The following FBXO34 variants were observed in gnomAD, a reference collection of about 807,000 sequenced individuals.
FBXO34 encodes F-box only protein 34.
A neutral mutation model predicts 24.5 loss-of-function variants in FBXO34; 12 were observed. That is an observed-to-expected ratio of 0.49 (90% CI 0.31 to 0.79). The LOEUF (loss-of-function observed/expected upper bound fraction) is 0.79. Among genes scored for constraint, FBXO34 ranks in the 30% least tolerant of loss-of-function variants. The pLI is 0.04. For synonymous variants in FBXO34, 320 were observed against 311.9 expected (o/e 1.03, Z -0.27); for missense variants, 823 against 857.7 (o/e 0.96, Z 0.51).
chr14:55,329,897 T>C (rs1307698905), intron 1 of FBXO34, among the ~76,000 whole-genome samples: 4 of 151,992 alleles, frequency 2.6e-5, no homozygotes, highest in African/African-American at 2.4e-5. Flanking sequence ...AGATAAAATA[T>C]ATATATATAT....
At chr14:55,391,368 C>T in the FBXO34 span, 7 of 157,918 alleles carry the variant, frequency 4.4e-5, no homozygotes, top group Middle Eastern at 3.1e-3. Context: ...CCCAGCTACT[C>T]GGGAGGCTGC....
intron 1 of FBXO34, among the ~76,000 whole-genome samples, chr14:55,346,192 C>T (rs1450835112): frequency 6.6e-6 from 1 of 152,134 alleles, no homozygotes; most frequent in Non-Finnish European, 1.5e-5. Context: ...AACAAGCTTT[C>T]AAAGTGTGAA....
chr14:55,371,814 C>CA (rs999427813), downstream of FBXO34, among the ~76,000 whole-genome samples: 7 of 150,452 alleles, frequency 4.7e-5, no homozygotes, highest in African/African-American at 1.2e-4. Flanking sequence ...AAAAAACAAA[C>CA]AAAAAAACAA....
intron 1 of FBXO34, among the ~76,000 whole-genome samples, chr14:55,309,181 TTA>T (rs1882651352): frequency 1.3e-5 from 2 of 152,168 alleles, no homozygotes; most frequent in Admixed American, 6.5e-5. Flanking sequence ...TTATGGGAGT[TTA>T]TAGTCTTTAC....
At chr14:55,409,020 C>T in the FBXO34 span, among the ~76,000 whole-genome samples, 1 of 152,126 alleles carries the variant, frequency 6.6e-6, no homozygotes, top group African/African-American at 2.4e-5. Flanking sequence ...TCTATTGTGG[C>T]TGCTGTTTGG....
At chr14:55,439,151 C>T in the FBXO34 span, among the ~76,000 whole-genome samples, 1 of 152,000 alleles carries the variant, frequency 6.6e-6, no homozygotes, top group Non-Finnish European at 1.5e-5. Context: ...GTTGGCCAGG[C>T]TGGTCTTGAA....
chr14:55,315,778 A>T (rs952172393), intron 1 of FBXO34, among the ~76,000 whole-genome samples: 1 of 152,160 alleles, frequency 6.6e-6, no homozygotes, highest in Non-Finnish European at 1.5e-5. Context: ...GTCCCTCAGC[A>T]TTAGACATTT....
At chr14:55,419,275 G>A in the FBXO34 span, among the ~76,000 whole-genome samples, 2 of 152,166 alleles carry the variant, frequency 1.3e-5, no homozygotes, top group African/African-American at 2.4e-5. Flanking sequence ...TTACAGGTGA[G>A]GAAACTTAGG....
intron 1 of FBXO34, among the ~76,000 whole-genome samples, chr14:55,283,901 T>TA (rs1881649205): frequency 6.6e-6 from 1 of 152,158 alleles, no homozygotes; most frequent in South Asian, 2.1e-4. Flanking sequence ...TAGGAGGTTA[T>TA]AACTTTTCCT....
the FBXO34 span, among the ~76,000 whole-genome samples, chr14:55,391,567 A>G: frequency 6.6e-6 from 1 of 152,274 alleles, no homozygotes; most frequent in African/African-American, 2.4e-5. Context: ...GTTGAAGGAC[A>G]TTCTCTAAAC....
downstream of FBXO34, among the ~76,000 whole-genome samples, chr14:55,364,630 T>C (rs920317000): frequency 8.6e-5 from 13 of 151,918 alleles, no homozygotes; most frequent in Non-Finnish European, 1.8e-4. Context: ...GGTTTTGCCA[T>C]GTTGGCCAGG....
At chr14:55,335,781 A>G (rs1177469073) in intron 1 of FBXO34, among the ~76,000 whole-genome samples, 2 of 152,232 alleles carry the variant, frequency 1.3e-5, no homozygotes, top group Admixed American at 6.5e-5. Flanking sequence ...TATTATATCT[A>G]GCTCATAGAA....
At chr14:55,336,518 AG>A (rs1445347302) in intron 1 of FBXO34, among the ~76,000 whole-genome samples, 3 of 152,208 alleles carry the variant, frequency 2.0e-5, no homozygotes, top group African/African-American at 7.2e-5. Context: ...TCATTCATCC[AG>A]TGTTTTCCAC....
intron 1 of FBXO34, among the ~76,000 whole-genome samples, chr14:55,316,010 T>C (rs993317988): frequency 1.3e-5 from 2 of 152,176 alleles, no homozygotes; most frequent in African/African-American, 4.8e-5. Context: ...TTTCTCCTTT[T>C]CTATTGCGTT....
At chr14:55,435,713 C>A in the FBXO34 span, 1 of 604,636 alleles carries the variant, frequency 1.7e-6, no homozygotes, top group Non-Finnish European at 2.8e-6. Context: ...AGATATTAAC[C>A]CTGAGTTGCC....
At position 55,350,950 on chromosome 14, in the gene FBXO34, G is replaced by C. The variant is rs371770836; in HGVS notation, c.560G>C (p.Cys187Ser). ...PEPFACGIEH[C>S]SVHYVSDSGD... ...CCTTTTGCATGTGGCATTGAGCACTGTTCTGTGCACTATGTGAGTGACAGT... is the reference window on the plus strand; with the variant it reads ...CCTTTTGCATGTGGCATTGAGCACTCTTCTGTGCACTATGTGAGTGACAGT... Residue 187 changes from cysteine to serine, a missense_variant, in exon 2 of 2, where the codon TGT becomes TCT. By Grantham distance (112) the Cys-to-Ser change is moderately radical. Coordinates refer to ENST00000313833, the MANE Select transcript of FBXO34 (RefSeq NM_017943.4). The C allele has an allele frequency of 1.2e-6, 2 of 1,614,094 alleles. No homozygotes were observed. Among genetic ancestry groups the C allele is most frequent in the Admixed American group, 1.7e-5 (1 of 60,006 alleles).
At chr14:55,328,741 T>C (rs1007103871) in intron 1 of FBXO34, among the ~76,000 whole-genome samples, 13 of 152,178 alleles carry the variant, frequency 8.5e-5, no homozygotes, top group African/African-American at 2.9e-4. Context: ...TTTAGAGCTG[T>C]GAGATCCAGT....
At chr14:55,432,342 G>A in the FBXO34 span, among the ~76,000 whole-genome samples, 1 of 151,266 alleles carries the variant, frequency 6.6e-6, no homozygotes, top group African/African-American at 2.4e-5. Flanking sequence ...CAGCCCGGGA[G>A]GTGGAGGTTG....
intron 1 of FBXO34, among the ~76,000 whole-genome samples, chr14:55,344,641 A>G (rs1208975710): frequency 6.6e-6 from 1 of 150,994 alleles, no homozygotes; most frequent in Non-Finnish European, 1.5e-5. Context: ...GGTTTGCTGC[A>G]TCTATCAACC....
Sources: gnomAD v4.1 joint callset for allele counts (sites outside exome capture counted in the v4.1 genomes callset) on GRCh38, gnomAD v4.1.1 for gene constraint, MANE v1.5 for transcripts, NCBI Gene and HGNC (gene_info 2026-07-23, HGNC 2026-07-21) for gene names.